Variants in XRN1 observed in about 807,000 individuals in gnomAD.
XRN1 encodes the protein strand-exchange protein 1 homolog.
A neutral mutation model predicts 222.3 loss-of-function variants in XRN1; 67 were observed. The observed-to-expected ratio is 0.30, with a 90% confidence interval of 0.25 to 0.37. The LOEUF (loss-of-function observed/expected upper bound fraction) is 0.37. XRN1 is among the 10% of genes least tolerant of loss of function. The pLI, the probability that XRN1 is intolerant of heterozygous loss-of-function variation, is 1.00. For synonymous variants in XRN1, 643 were observed against 652.4 expected, an observed-to-expected ratio of 0.99 and a Z score of 0.22; for missense variants, 1,707 against 2,000.2, an observed-to-expected ratio of 0.85 and a Z score of 2.80.
At chr3:142,373,099 A>G (rs541647949) in intron 25 of XRN1, among the ~76,000 whole-genome samples, 1 of 152,382 alleles carries the variant, frequency 6.6e-6, no homozygotes, top group South Asian at 2.1e-4. Context: ...AAGCAATTAG[A>G]GAAAACAGAA....
intron 25 of XRN1, among the ~76,000 whole-genome samples, chr3:142,373,936 C>T (rs144661018): frequency 5.9e-5 from 9 of 152,198 alleles, no homozygotes; most frequent in Non-Finnish European, 1.0e-4. Flanking sequence ...GAGCTGAGAT[C>T]GTGCCACTGC....
At chr3:142,378,952 A>G (rs948481232) in intron 23 of XRN1, among the ~76,000 whole-genome samples, 4 of 152,162 alleles carry the variant, frequency 2.6e-5, no homozygotes, top group East Asian at 1.9e-4. Flanking sequence ...GGAAACGAGA[A>G]GAGAATGGAA....
intron 22 of XRN1, among the ~76,000 whole-genome samples, chr3:142,383,073 C>T (rs2067361828): frequency 6.6e-6 from 1 of 152,124 alleles, no homozygotes; most frequent in Admixed American, 6.5e-5. Context: ...GATTTGAACA[C>T]ACCACCTCTT....
rs186111363 is a variant in XRN1, at chr3:142,426,545, T to C, written c.406+199A>G. The C allele has an allele frequency of 3.9e-4, 210 of 542,348 alleles. 1 individual carries two copies. The highest frequency in any genetic ancestry group is 3.6e-3 in the African/African-American group (187 of 52,142). 33.6% of individuals were successfully genotyped at this position (542,348 alleles called of 1,614,324 possible). The stretch of plus-strand genomic sequence containing the variant: ...ATATCTGCTCTAATTTATCTACATC[T>C]GAAAATCCCTACAGTTTTTGTAGGA... On this transcript the variant is annotated intron_variant, in intron 3 of 40. Transcript: ENST00000392981.
chr3:142,433,633 G>A (rs1559882430), intron 1 of XRN1, among the ~76,000 whole-genome samples: 2 of 152,156 alleles, frequency 1.3e-5, no homozygotes, highest in Non-Finnish European at 2.9e-5. Context: ...TGTTTGTGAG[G>A]ATGGGGAACA....
At chr3:142,312,883 T>G in intron 39 of XRN1, 125 bp from the exon 40 acceptor site, 4 of 1,005,234 alleles carry the variant, frequency 4.0e-6, no homozygotes, top group Non-Finnish European at 2.9e-6. Flanking sequence ...GGCCTACACT[T>G]ACTTCACCTA....
At chr3:142,330,465 A>G (rs2065662631) in intron 36 of XRN1, among the ~76,000 whole-genome samples, 1 of 152,192 alleles carries the variant, frequency 6.6e-6, no homozygotes, top group Non-Finnish European at 1.5e-5. Flanking sequence ...TTGAAGAATT[A>G]ATCCAAACTT....
chr3:142,326,882 T>C (rs919218176), intron 37 of XRN1, among the ~76,000 whole-genome samples: 1 of 152,156 alleles, frequency 6.6e-6, no homozygotes, highest in East Asian at 1.9e-4. Flanking sequence ...GAAATGATCA[T>C]ATGGTTTTTG....
In XRN1 at chr3:142,425,193, A is replaced by C. The variant is rs753710471; in HGVS notation, c.627+29T>G. On this transcript the variant is annotated intron_variant, in intron 5 of 40. Transcript: ENST00000392981. ...CTTAGATATTTAACTATCAATGCAT[A>C]AGTTTATAATAATAAAAATTATACC... 11 of 1,450,594 alleles carry C rather than the reference A, an allele frequency of 7.6e-6. No homozygotes were observed. The Admixed American group carries it at 2.5e-4, about 33-fold the overall frequency. The allele number at this position is 1,450,594 out of a possible 1,614,324, so 89.9% of individuals were successfully genotyped here.
At chr3:142,403,115 C>T (rs537296169) in intron 18 of XRN1, among the ~76,000 whole-genome samples, 14 of 152,268 alleles carry the variant, frequency 9.2e-5, no homozygotes, top group African/African-American at 2.6e-4. Context: ...ACTCAAGGTT[C>T]GACATAATCT....
At chr3:142,428,287 T>C (rs111253465) in intron 2 of XRN1, among the ~76,000 whole-genome samples, 19,378 of 149,304 alleles carry the variant, frequency 0.13, 1,251 homozygotes, top group Non-Finnish European at 0.14. Flanking sequence ...CCCAGCTACT[T>C]GGGAGGCTGA....
intron 1 of XRN1, among the ~76,000 whole-genome samples, chr3:142,440,026 T>C (rs1452935870): frequency 6.6e-6 from 1 of 152,100 alleles, no homozygotes; most frequent in Non-Finnish European, 1.5e-5. Flanking sequence ...CTGAACCAGA[T>C]GATCCAGCAG....
At position 142,418,760 on chromosome 3, in the gene XRN1, A is replaced by T; in HGVS notation, c.1240+55T>A. Reference sequence around the variant, plus strand: ...AAATTAGTAATAATAAATAAAAGGTATAACAATTATCCTGTCAAAGTAGTA... The same window carrying T: ...AAATTAGTAATAATAAATAAAAGGTTTAACAATTATCCTGTCAAAGTAGTA... On this transcript the variant is annotated intron_variant, in intron 11 of 40. Coordinates refer to ENST00000392981, the MANE Select transcript of XRN1 (RefSeq NM_001282857.2). 2.5e-6 allele frequency: 4 copies of T among 1,573,800 alleles called. No individual in the cohort carries two copies. The South Asian group carries it at 4.5e-5, about 18-fold the overall frequency.
intron 33 of XRN1, among the ~76,000 whole-genome samples, chr3:142,340,625 A>C (rs1051760350): frequency 6.6e-6 from 1 of 152,194 alleles, no homozygotes; most frequent in Non-Finnish European, 1.5e-5. Context: ...AAAGCATTTA[A>C]TAATCAAACT....
intron 1 of XRN1, 67 bp from the exon 2 acceptor site, chr3:142,432,960 G>T: frequency 1.7e-6 from 2 of 1,209,430 alleles, no homozygotes; most frequent in Non-Finnish European, 2.3e-6. Flanking sequence ...TAAGCAGCAG[G>T]GAAAAGTGAT....
chr3:142,312,764 A>G lies in XRN1; in HGVS notation c.4622-6T>C, dbSNP rs766398854. The G allele has an allele frequency of 6.3e-7, 1 of 1,585,660 alleles. No individual in the cohort carries two copies. Among genetic ancestry groups the G allele is most frequent in the Admixed American group, 1.8e-5 (1 of 54,222 alleles). On this transcript the variant is annotated splice_region_variant and splice_polypyrimidine_tract_variant and intron_variant, in intron 39 of 40. Coordinates refer to ENST00000392981, the MANE Select transcript of XRN1 (RefSeq NM_001282857.2). ...CGACGAAGGCATTATATTAGCTGTT[A>G]AAAACCAAGGAAAATTTTTCTTTTA...
intron 15 of XRN1, among the ~76,000 whole-genome samples, chr3:142,410,501 T>G (rs1489581596): frequency 7.3e-6 from 1 of 137,352 alleles, no homozygotes; most frequent in Non-Finnish European, 1.6e-5. Flanking sequence ...TTTTTTTTTT[T>G]TTTTTTTTTT....
Position 142,311,448 on chromosome 3 carries a change from G to A in XRN1, c.*63C>T. On this transcript the variant is annotated 3_prime_UTR_variant, in exon 41 of 41. Transcript: ENST00000392981. ...TACATTCTAATTTTTATGAGACATAGATATGTATTTATAAAAAGGTAGATG... is the reference window on the plus strand; with the variant it reads ...TACATTCTAATTTTTATGAGACATAAATATGTATTTATAAAAAGGTAGATG... The A allele has an allele frequency of 7.2e-7, 1 of 1,384,412 alleles. No individual in the cohort carries two copies. The highest frequency in any genetic ancestry group is 9.8e-7 in the Non-Finnish European group (1 of 1,019,876). 85.8% of individuals were successfully genotyped at this position (1,384,412 alleles called of 1,614,324 possible).
At position 142,332,247 on chromosome 3, in the gene XRN1, C is replaced by A. The variant is rs1005989471; in HGVS notation, c.4222+128G>T. The A allele has an allele frequency of 1.8e-5, 14 of 795,162 alleles. No homozygotes were observed. In the South Asian group the frequency reaches 3.1e-4, roughly 17 times the overall value. 49.3% of individuals were successfully genotyped at this position (795,162 alleles called of 1,614,324 possible). A position where few individuals can be genotyped will look rare whatever the true frequency, so the allele number is the denominator to read the frequency against. ...CCAGCCTGGCCAACACAGCAAGACA[C>A]CATCTCTAAAATAAATAAATACATT... is the stretch of plus-strand genomic sequence containing the variant. On this transcript the variant is annotated intron_variant, in intron 36 of 40. Transcript: ENST00000392981.
Sources: gnomAD v4.1 joint callset for allele counts (sites outside exome capture counted in the v4.1 genomes callset) on GRCh38, gnomAD v4.1.1 for gene constraint, MANE v1.5 for transcripts, NCBI Gene and HGNC (gene_info 2026-07-23, HGNC 2026-07-21) for gene names.